The following MCTP1 variants were observed in gnomAD, a reference collection of about 807,000 sequenced individuals.
MCTP1 encodes multiple C2 and transmembrane domain-containing protein 1.
A neutral mutation model predicts 120.6 loss-of-function variants in MCTP1; 69 were observed. The observed-to-expected ratio is 0.57, with a 90% CI of 0.47 to 0.70. The LOEUF is 0.70. Among genes scored for constraint, MCTP1 ranks in the 30% least tolerant of loss-of-function variants. The probability of loss-of-function intolerance (pLI) is 0.00; values close to 1 mark genes in which losing one functional copy is unlikely to be tolerated. For synonymous variants in MCTP1, 529 were observed against 493.1 expected (o/e 1.07, Z -0.96); for missense variants, 1,203 against 1,248.8 (o/e 0.96, Z 0.55).
intron 17 of MCTP1, chr5:94,826,523 T>C (rs2153127878): frequency 2.8e-6 from 2 of 708,880 alleles, no homozygotes; most frequent in East Asian, 5.6e-5. Context: ...CTATATTCCT[T>C]GTGATAGTGC....
intron 2 of MCTP1, among the ~76,000 whole-genome samples, chr5:94,981,380 A>C (rs1318657807): frequency 6.6e-6 from 1 of 152,190 alleles, no homozygotes; most frequent in Non-Finnish European, 1.5e-5. Flanking sequence ...CTTGCATATT[A>C]CAAGATTTGT....
chr5:95,278,565 G>T (rs2152742800), intron 1 of MCTP1, among the ~76,000 whole-genome samples: 1 of 152,246 alleles, frequency 6.6e-6, no homozygotes, highest in South Asian at 2.1e-4. Context: ...TCAAGAAATG[G>T]TCTTATTTAG....
chr5:94,769,500 T>G (rs1282028823), intron 19 of MCTP1, among the ~76,000 whole-genome samples: 1 of 152,082 alleles, frequency 6.6e-6, no homozygotes, highest in Admixed American at 6.6e-5. Context: ...AATAAAAAAT[T>G]GAAAAAACCA....
In MCTP1 at chr5:94,827,437, A is replaced by G. The variant is rs990709922; in HGVS notation, c.2437-28305T>C. ...CATTTCAACCTTGGTGAATCTGACA[A>G]TTATGTGTCTTGGGGTTGCTCTTCT... On this transcript the variant is annotated intron_variant, in intron 17 of 22. Coordinates refer to ENST00000515393, the MANE Select transcript of MCTP1 (RefSeq NM_024717.7). Among the ~76,000 whole-genome samples, 11 of 151,976 alleles carry G rather than the reference A, an allele frequency of 7.2e-5. 1 individual carries two copies. The highest frequency in any genetic ancestry group is 2.4e-4 in the African/African-American group (10 of 41,356).
chr5:95,030,500 A>C (rs1236688448), intron 1 of MCTP1, among the ~76,000 whole-genome samples: 3 of 152,184 alleles, frequency 2.0e-5, no homozygotes, highest in Non-Finnish European at 4.4e-5. Flanking sequence ...TCATGCATCC[A>C]ATACACCAGT....
rs111393256 is a variant in MCTP1 at position 95,270,796 on chromosome 5, G to A, written c.720+13060C>T. 5.8e-3 allele frequency among the ~76,000 whole-genome samples: 888 copies of A among 152,238 alleles called. 13 individuals are homozygous for A. Among genetic ancestry groups the A allele is most frequent in the African/African-American group, 0.019 (783 of 41,530 alleles). On this transcript the variant is annotated intron_variant, in intron 1 of 22. Coordinates refer to ENST00000515393, the MANE Select transcript of MCTP1 (RefSeq NM_024717.7). The stretch of plus-strand genomic sequence containing the variant: ...AATATAAAAAGTAGCCAGGTGTGAT[G>A]GCAGGCACCTGTAGTTCCAGCCACT...
intron 2 of MCTP1, among the ~76,000 whole-genome samples, chr5:94,999,637 T>C (rs748540885): frequency 6.6e-6 from 1 of 152,172 alleles, no homozygotes; most frequent in Non-Finnish European, 1.5e-5. Flanking sequence ...TCAGCATAAT[T>C]AAACAAAGAA....
chr5:94,710,212 C>T (rs1756363667), intron 21 of MCTP1: 2 of 151,982 alleles, frequency 1.3e-5, no homozygotes, highest in South Asian at 2.1e-4. Flanking sequence ...CTAAATGGAG[C>T]CCAGGTGCAT....
intron 19 of MCTP1, among the ~76,000 whole-genome samples, chr5:94,764,780 T>C (rs78081860): frequency 0.017 from 2,513 of 144,758 alleles, 33 homozygotes; most frequent in Middle Eastern, 0.036. Context: ...ACAAAAATAA[T>C]TGGGGACTTC....
chr5:95,136,514 G>A (rs1316754249), intron 1 of MCTP1, among the ~76,000 whole-genome samples: 2 of 152,068 alleles, frequency 1.3e-5, no homozygotes, highest in Non-Finnish European at 2.9e-5. Context: ...GAAGTGGCGA[G>A]GAAAAAAGTT....
At chr5:94,759,901 G>GAGA (rs1554089818) in intron 19 of MCTP1, among the ~76,000 whole-genome samples, 1 of 9,528 alleles carries the variant, frequency 1.0e-4, no homozygotes, top group Admixed American at 1.1e-3. Flanking sequence ...CTTTTTCAAA[G>GAGA]AGAAAAAAAA....
chr5:95,220,473 T>G (rs559892892), intron 1 of MCTP1, among the ~76,000 whole-genome samples: 1 of 152,290 alleles, frequency 6.6e-6, no homozygotes, highest in African/African-American at 2.4e-5. Context: ...TTTACCTGAA[T>G]CTTTTGTTTC....
At chr5:94,850,327 G>C (rs1793410255) in intron 17 of MCTP1, among the ~76,000 whole-genome samples, 3 of 152,126 alleles carry the variant, frequency 2.0e-5, no homozygotes. Flanking sequence ...AGGCTACAAA[G>C]ATCACAGACC....
intron 1 of MCTP1, among the ~76,000 whole-genome samples, chr5:95,073,279 A>G (rs1031812633): frequency 1.3e-5 from 2 of 152,156 alleles, no homozygotes; most frequent in African/African-American, 4.8e-5. Flanking sequence ...GGTTAGCAGA[A>G]TCTCAGCTTC....
intron 1 of MCTP1, among the ~76,000 whole-genome samples, chr5:95,279,433 G>A (rs1760133852): frequency 1.3e-5 from 2 of 152,170 alleles, no homozygotes; most frequent in South Asian, 2.1e-4. Flanking sequence ...ATTTGTCACA[G>A]GCTACTTTTT....
At chr5:94,870,519 G>A (rs781150303) in intron 15 of MCTP1, 28 bp from the exon 16 acceptor site, 16 of 1,420,074 alleles carry the variant, frequency 1.1e-5, no homozygotes, top group Non-Finnish European at 1.6e-5. Context: ...TGTCTGTTAT[G>A]GATTAATATA....
intron 1 of MCTP1, among the ~76,000 whole-genome samples, chr5:95,204,308 G>A (rs1751387414): frequency 6.6e-6 from 1 of 151,926 alleles, no homozygotes; most frequent in Non-Finnish European, 1.5e-5. Context: ...AAGGACAAAG[G>A]GCATTCTAGG....
intron 1 of MCTP1, among the ~76,000 whole-genome samples, chr5:95,097,426 C>T (rs911927282): frequency 6.6e-6 from 1 of 152,132 alleles, no homozygotes; most frequent in Non-Finnish European, 1.5e-5. Flanking sequence ...TAAACTAACA[C>T]ATGCAAGGGC....
chr5:95,160,674 T>C (rs1410425289), intron 1 of MCTP1, among the ~76,000 whole-genome samples: 1 of 152,022 alleles, frequency 6.6e-6, no homozygotes, highest in Non-Finnish European at 1.5e-5. Context: ...AGACAAACCA[T>C]GGAGTGGGAG....
Sources: allele counts gnomAD v4.1 joint callset (sites outside exome capture counted in the v4.1 genomes callset), GRCh38; gene constraint gnomAD v4.1.1; transcripts MANE v1.5; gene names NCBI Gene and HGNC (gene_info 2026-07-23, HGNC 2026-07-21).